The following STRIP2 variants were observed in gnomAD, a reference collection of about 807,000 sequenced individuals.
The protein encoded by STRIP2 is striatin interacting protein 2, also known as striatin-interacting protein 2.
A neutral mutation model predicts 107.1 loss-of-function variants in STRIP2; 84 were observed. The ratio of observed to expected loss-of-function variants is 0.78; its 90% confidence interval spans 0.66 to 0.94. The LOEUF (loss-of-function observed/expected upper bound fraction) is 0.94. Ranked by LOEUF, STRIP2 falls within the 40% of genes least tolerant of loss-of-function variation. The pLI, the probability that STRIP2 is intolerant of heterozygous loss-of-function variation, is 0.00. For synonymous variants in STRIP2, 394 were observed against 400.4 expected (o/e 0.98, Z 0.19); for missense variants, 888 against 1,034.2 (o/e 0.86, Z 1.94).
At chr7:129,451,331 G>A (rs1798186320) in intron 3 of STRIP2, among the ~76,000 whole-genome samples, 1 of 152,168 alleles carries the variant, frequency 6.6e-6, no homozygotes, top group African/African-American at 2.4e-5. Context: ...AATATGTAGG[G>A]AGACAGAGGG....
intron 1 of STRIP2, among the ~76,000 whole-genome samples, chr7:129,435,351 A>G (rs982019578): frequency 4.6e-5 from 7 of 152,196 alleles, no homozygotes; most frequent in African/African-American, 1.4e-4. Flanking sequence ...CTATCCCCTC[A>G]TTGAGGCAGT....
intron 2 of STRIP2, among the ~76,000 whole-genome samples, chr7:129,440,412 C>T (rs1278911514): frequency 6.6e-6 from 1 of 152,006 alleles, no homozygotes; most frequent in Non-Finnish European, 1.5e-5. Context: ...CTCCATATTC[C>T]TTCTCTTTTT....
chr7:129,441,306 G>T (rs1474402046), intron 2 of STRIP2, among the ~76,000 whole-genome samples: 1 of 152,066 alleles, frequency 6.6e-6, no homozygotes, highest in Non-Finnish European at 1.5e-5. Flanking sequence ...AAAGCATTTT[G>T]CTTATATCTT....
intron 8 of STRIP2, 106 bp from the exon 9 acceptor site, chr7:129,456,333 G>A (rs1012871216): frequency 6.4e-6 from 6 of 935,212 alleles, no homozygotes; most frequent in Non-Finnish European, 1.0e-5. Context: ...GGTCTGAAGG[G>A]ACTGGAGGTT....
intron 8 of STRIP2, 55 bp from the exon 9 acceptor site, chr7:129,456,384 C>G (rs2151000143): frequency 6.5e-7 from 1 of 1,534,810 alleles, no homozygotes. Flanking sequence ...GACCTTGGCT[C>G]TCTCTTACTT....
intron 5 of STRIP2, 106 bp downstream of exon 5, chr7:129,453,453 G>A: frequency 2.8e-6 from 4 of 1,407,910 alleles, no homozygotes; most frequent in South Asian, 2.8e-5. Flanking sequence ...GTGAGGAACT[G>A]GGTCTACTCA....
Position 129,483,087 on chromosome 7 carries a change from G to T in STRIP2, c.2254+41G>T. On this transcript the variant is annotated intron_variant, in intron 20 of 20. Coordinates refer to ENST00000249344, the MANE Select transcript of STRIP2 (RefSeq NM_020704.3). The surrounding 1 kb of genome is among the most constrained non-coding windows in gnomAD (Gnocchi z 5.1). ...GCTCTTGACTTCCTGGAGTTTCCTG[G>T]GGTTTAGACAAAACTAAATAAATAT... 1 of 1,598,246 alleles carries T rather than the reference G, an allele frequency of 6.3e-7. No individual in the cohort carries two copies. The highest frequency in any genetic ancestry group is 8.5e-7 in the Non-Finnish European group (1 of 1,171,132).
intron 19 of STRIP2, 141 bp from the exon 20 acceptor site, chr7:129,482,701 A>G (rs988350402): frequency 1.0e-6 from 1 of 979,666 alleles, no homozygotes; most frequent in Non-Finnish European, 1.5e-6. Flanking sequence ...TTGAAGATTA[A>G]ATCTAAGTAG....
rs1405938682 is a variant in STRIP2, at chr7:129,459,580, G to A, written c.1404G>A (p.Gln468=). The A allele has an allele frequency of 2.5e-6, 4 of 1,613,558 alleles. No individual in the cohort carries two copies. Among genetic ancestry groups the A allele is most frequent in the Non-Finnish European group, 3.4e-6 (4 of 1,179,628 alleles). ...PIHESVKTLK[Q]HKYISIADVQ... ...ATGAGAGTGTGAAGACCCTAAAGCA[G>A]GTGACTGGGGTGGGCTCTCAGTCTT... The change falls in exon 12 of 21, where the codon CAG becomes CAA. Residue 468 remains glutamine, a splice_region_variant and synonymous_variant. Transcript: ENST00000249344.
chr7:129,456,318 G>T, intron 8 of STRIP2, 121 bp from the exon 9 acceptor site: 1 of 799,358 alleles, frequency 1.3e-6, no homozygotes, highest in South Asian at 1.8e-5. Flanking sequence ...CCTTATTAAG[G>T]AAAAGGTCTG....
chr7:129,434,642 C>T (rs1348042739), intron 1 of STRIP2, 41 bp downstream of exon 1: 1 of 1,437,288 alleles, frequency 7.0e-7, no homozygotes, highest in Non-Finnish European at 9.1e-7. Flanking sequence ...CCGGAGACGC[C>T]CGCCGGCGGG....
At chr7:129,464,186 T>C (rs1008607595) in intron 15 of STRIP2, 45 bp downstream of exon 15, 1 of 1,409,554 alleles carries the variant, frequency 7.1e-7, no homozygotes. Flanking sequence ...AGCTGTCTTA[T>C]CTGCAGGCTC....
At chr7:129,455,144 G>A in intron 7 of STRIP2, 100 bp from the exon 8 acceptor site, 1 of 1,399,802 alleles carries the variant, frequency 7.1e-7, no homozygotes, top group East Asian at 2.5e-5. Flanking sequence ...CTTCAGGGGA[G>A]GTGAGTGCCT....
intron 2 of STRIP2, 58 bp downstream of exon 2, chr7:129,440,149 G>GCCACCCC: frequency 7.3e-7 from 1 of 1,364,274 alleles, no homozygotes; most frequent in Non-Finnish European, 1.0e-6. Context: ...GAGGGAAGGG[G>GCCACCCC]CCTGTGATCT....
rs1798543976 is a variant in STRIP2 at position 129,461,801 on chromosome 7, G to A, written c.1477-1165G>A. Among the ~76,000 whole-genome samples, 4 of 152,294 alleles carry A rather than the reference G, an allele frequency of 2.6e-5. No individual in the cohort carries two copies. The highest frequency in any genetic ancestry group is 6.5e-5 in the Admixed American group (1 of 15,300). ...GGAGAGAAAGTGGATGGTAGCTGAAGGAAAATGTGAGGTCAAGGGGAGGAT... is the reference window on the plus strand; with the variant it reads ...GGAGAGAAAGTGGATGGTAGCTGAAAGAAAATGTGAGGTCAAGGGGAGGAT... On this transcript the variant is annotated intron_variant, in intron 13 of 20. Transcript: ENST00000249344. The surrounding 1 kb of genome is among the most constrained non-coding windows in gnomAD (Gnocchi z 4.0).
chr7:129,475,568 C>CTTTTTTTTTTT (rs1193913684), intron 18 of STRIP2, among the ~76,000 whole-genome samples: 1 of 99,298 alleles, frequency 1.0e-5, no homozygotes, highest in Non-Finnish European at 2.0e-5. Context: ...TTTTTTTTTT[C>CTTTTTTTTTTT]TTTTTATTTT....
Position 129,463,049 on chromosome 7 carries a change from A to C in STRIP2, c.1551+9A>C, listed in dbSNP as rs1048810856. On this transcript the variant is annotated intron_variant, in intron 14 of 20. Transcript: ENST00000249344. ...GCCTTCCGCAGTATATGGTAAGGAG[A>C]TGGCTAGGCCAGAGCTGCCCTTCTC... 5 of 1,610,024 alleles carry C rather than the reference A, an allele frequency of 3.1e-6. No individual in the cohort carries two copies. Among genetic ancestry groups the C allele is most frequent in the Non-Finnish European group, 3.4e-6 (4 of 1,177,474 alleles).
At chr7:129,484,529 A>G (rs1408067299) in intron 20 of STRIP2, 2 of 152,204 alleles carry the variant, frequency 1.3e-5, no homozygotes, top group Non-Finnish European at 2.9e-5. Flanking sequence ...GGAAAATACC[A>G]TGATCATGAA....
chr7:129,457,320 A>T (rs1040206719), intron 9 of STRIP2, among the ~76,000 whole-genome samples: 1 of 152,208 alleles, frequency 6.6e-6, no homozygotes, highest in African/African-American at 2.4e-5. Context: ...ACCGAACACC[A>T]TATGCAATTG....
Sources: gnomAD v4.1 joint callset for allele counts (sites outside exome capture counted in the v4.1 genomes callset) on GRCh38, gnomAD v4.1.1 for gene constraint, Gnocchi (gnomAD v3.1) non-coding constraint, MANE v1.5 for transcripts, NCBI Gene and HGNC (gene_info 2026-07-23, HGNC 2026-07-21) for gene names.